Variants in FOLH1 observed in about 807,000 individuals in gnomAD.
FOLH1 encodes folate hydrolase 1.
Under a neutral mutation model 93.9 loss-of-function variants are expected in FOLH1, and 54 were observed. The ratio of observed to expected loss-of-function variants is 0.57; its 90% CI spans 0.46 to 0.72. The LOEUF (loss-of-function observed/expected upper bound fraction) is 0.72, where lower values mean the gene tolerates loss of function less well. Among genes scored for constraint, FOLH1 ranks in the 30% least tolerant of loss-of-function variants. The pLI is 0.00. For missense variants in FOLH1, 571 were observed against 892.5 expected (o/e 0.64, Z 4.59); for synonymous variants, 249 against 303.6 (o/e 0.82, Z 1.87).
rs1162937476 is a variant in FOLH1 at position 49,175,924 on chromosome 11, G to T, written c.954C>A (p.Ser318Arg). 2 of 1,613,710 alleles carry T rather than the reference G, an allele frequency of 1.2e-6. No individual in the cohort carries two copies. Among genetic ancestry groups the T allele is most frequent in the Non-Finnish European group, 1.7e-6 (2 of 1,179,778 alleles). ...AGGGCACTTTGAGACTTCCTCTCCA[G>T]CTGCTATCTGGTGGTGCTGAGCCAC... ...KMGGSAPPDS[S>R]WRGSLKVPYN... The change falls in exon 8 of 19, where the codon AGC becomes AGA. Residue 318 changes from serine (S) to arginine (R), a missense_variant. Transcript: ENST00000256999.
At chr11:49,194,761 T>C (rs1028271269) in intron 3 of FOLH1, among the ~76,000 whole-genome samples, 1 of 151,760 alleles carries the variant, frequency 6.6e-6, no homozygotes, top group African/African-American at 2.4e-5. Context: ...ACCAAACAAA[T>C]ATTAATTAAA....
In FOLH1 at chr11:49,146,280, A is replaced by G. The variant is rs1340612354; in HGVS notation, c.*476T>C. 6.6e-6 allele frequency among the ~76,000 whole-genome samples: 1 copy of G among 152,238 alleles called. No homozygotes were observed. The highest frequency in any genetic ancestry group is 1.9e-4 in the East Asian group (1 of 5,190). On this transcript the variant is annotated 3_prime_UTR_variant, in exon 19 of 19. Transcript: ENST00000256999. The stretch of plus-strand genomic sequence containing the variant: ...ATGCTATAGAGTGATAACATTTACT[A>G]AAAGTGTGATTTGATCCATTTCCCA...
rs567683403 is a variant in FOLH1, at chr11:49,146,414, A to G, written c.*342T>C. ...TATTCCCCAGTGTGCTCTCTGACAT[A>G]CTGATGTTTTCTTCTGTGTGAAGTG... is the stretch of plus-strand genomic sequence containing the variant. On this transcript the variant is annotated 3_prime_UTR_variant, in exon 19 of 19. Coordinates refer to ENST00000256999, the MANE Select transcript of FOLH1 (RefSeq NM_004476.3). Among the ~76,000 whole-genome samples, 15 of 152,234 alleles carry G rather than the reference A, an allele frequency of 9.9e-5. No individual in the cohort carries two copies. In the East Asian group the frequency reaches 2.9e-3, roughly 30 times the overall value.
rs1864210177 is a variant in FOLH1 at position 49,208,355 on chromosome 11, G to A, written c.55C>T (p.Arg19Cys). 2 of 1,601,826 alleles carry A rather than the reference G, an allele frequency of 1.2e-6. No homozygotes were observed. Among genetic ancestry groups the A allele is most frequent in the Non-Finnish European group, 1.7e-6 (2 of 1,173,220 alleles). ...DSAVATARRP[R>C]WLCAGALVLA... ...ACCAGCGCCCCAGCGCACAGCCAGC[G>A]CGGGCGGCGCGCGGTGGCCACAGCC... Residue 19 changes from arginine (R) to cysteine (C), a missense_variant, in exon 1 of 19, where the codon CGC becomes TGC. This residue lies in a region of FOLH1 where 71 missense variants were observed against 69.6 expected (regional missense o/e 1.02). Coordinates refer to ENST00000256999, the MANE Select transcript of FOLH1 (RefSeq NM_004476.3).
chr11:49,155,751 T>C (rs1447165257), intron 15 of FOLH1, among the ~76,000 whole-genome samples: 2 of 135,976 alleles, frequency 1.5e-5, no homozygotes, highest in Admixed American at 1.6e-4. Context: ...CTACTTGACA[T>C]TTTATAAACT....
intron 4 of FOLH1, among the ~76,000 whole-genome samples, chr11:49,188,646 G>A (rs551059839): frequency 6.6e-6 from 1 of 152,006 alleles, no homozygotes; most frequent in African/African-American, 2.4e-5. Flanking sequence ...ATCTTTGAAT[G>A]CAATGAGTGG....
chr11:49,182,863 A>T (rs11604006), intron 7 of FOLH1, among the ~76,000 whole-genome samples: 80,016 of 151,732 alleles, frequency 0.53, 22,297 homozygotes, highest in Admixed American at 0.63. Flanking sequence ...GTCTTGACAA[A>T]AATATAGTGG....
At position 49,156,710 on chromosome 11, in the gene FOLH1, C is replaced by T. The variant is rs1857074340; in HGVS notation, c.1623+7G>A. On this transcript the variant is annotated splice_region_variant and intron_variant, in intron 15 of 18. Coordinates refer to ENST00000256999, the MANE Select transcript of FOLH1 (RefSeq NM_004476.3). The stretch of plus-strand genomic sequence containing the variant: ...AAATAATCTTAGATAATTTGAGATT[C>T]ACTTACCCAATTTTTAGTATACCGT... 6.2e-7 allele frequency: 1 copy of T among 1,612,474 alleles called. No individual in the cohort carries two copies. The highest frequency in any genetic ancestry group is 8.5e-7 in the Non-Finnish European group (1 of 1,178,916).
chr11:49,149,547 T>C (rs1158733088), intron 17 of FOLH1, among the ~76,000 whole-genome samples: 3 of 152,124 alleles, frequency 2.0e-5, no homozygotes, highest in Non-Finnish European at 1.5e-5. Flanking sequence ...TGGCTAGTAG[T>C]CCAAATGGAA....
At chr11:49,164,894 C>G in intron 12 of FOLH1, 122 bp from the exon 13 acceptor site, 1 of 759,322 alleles carries the variant, frequency 1.3e-6, no homozygotes. Flanking sequence ...AACTGTAACT[C>G]TCCAATGGCT....
chr11:49,150,745 T>C (rs1477081503), intron 17 of FOLH1, among the ~76,000 whole-genome samples: 3 of 152,178 alleles, frequency 2.0e-5, no homozygotes, highest in Admixed American at 6.6e-5. Flanking sequence ...TTCAATATAA[T>C]TGAAAGTTTA....
chr11:49,184,707 T>A (rs1349947825), intron 6 of FOLH1, among the ~76,000 whole-genome samples: 1 of 152,354 alleles, frequency 6.6e-6, no homozygotes, highest in East Asian at 1.9e-4. Flanking sequence ...GATGAAGACA[T>A]AAATGTCATA....
At chr11:49,163,590 C>T (rs999046736) in intron 13 of FOLH1, among the ~76,000 whole-genome samples, 1 of 150,800 alleles carries the variant, frequency 6.6e-6, no homozygotes, top group African/African-American at 2.4e-5. Flanking sequence ...TGGGTCTTAT[C>T]CTGTGAAGTG....
chr11:49,183,269 A>T (rs1860996734), intron 6 of FOLH1, 27 bp from the exon 7 acceptor site: 1 of 1,564,922 alleles, frequency 6.4e-7, no homozygotes, highest in Admixed American at 1.8e-5. Context: ...CCATATTTCC[A>T]GTAAAAACTC....
At chr11:49,188,221 G>A (rs990882107) in intron 4 of FOLH1, among the ~76,000 whole-genome samples, 3 of 152,052 alleles carry the variant, frequency 2.0e-5, no homozygotes, top group African/African-American at 7.2e-5. Context: ...TCAAGAGTAA[G>A]TTATAATTAT....
rs554017755 is a variant in FOLH1 at position 49,170,239 on chromosome 11, T to A, written c.1308+956A>T. On this transcript the variant is annotated intron_variant, in intron 11 of 18. Transcript: ENST00000256999. ...TACTTTTCAAATGGCTTAGTAAATA[T>A]TCTGTGGTGGAAATTTCTGCCTTAC... Among the ~76,000 whole-genome samples, 10 of 152,334 alleles carry A rather than the reference T, an allele frequency of 6.6e-5. 1 individual carries two copies. The highest frequency in any genetic ancestry group is 2.6e-4 in the Admixed American group (4 of 15,288).
At chr11:49,164,533 C>T (rs956035548) in intron 13 of FOLH1, among the ~76,000 whole-genome samples, 172 bp downstream of exon 13, 5 of 152,056 alleles carry the variant, frequency 3.3e-5, no homozygotes, top group African/African-American at 1.2e-4. Context: ...AGAAATGAGG[C>T]AATCTGTGTA....
intron 7 of FOLH1, among the ~76,000 whole-genome samples, chr11:49,178,753 T>C (rs1293214133): frequency 3.3e-5 from 5 of 152,202 alleles, no homozygotes; most frequent in South Asian, 2.1e-4. Flanking sequence ...GAAAGTACCA[T>C]TAAATGTTGG....
At chr11:49,195,921 C>T (rs1348785669) in intron 3 of FOLH1, among the ~76,000 whole-genome samples, 4 of 152,086 alleles carry the variant, frequency 2.6e-5, no homozygotes, top group Admixed American at 6.6e-5. Context: ...TTTGGCAGGC[C>T]GAGGCGGGTG....
Sources: allele counts gnomAD v4.1 joint callset (sites outside exome capture counted in the v4.1 genomes callset), GRCh38; gene constraint gnomAD v4.1.1; regional missense constraint gnomAD v4.1.1; transcripts MANE v1.5; gene names NCBI Gene and HGNC (gene_info 2026-07-23, HGNC 2026-07-21).